DNAJC6: variants seen among roughly 807,000 people sequenced by gnomAD.
The protein encoded by DNAJC6 is auxilin.
DNAJC6 carries 34 observed loss-of-function variants against 110.0 expected under a neutral mutation model. That is an observed-to-expected ratio of 0.31 (90% CI 0.24 to 0.41). The LOEUF (loss-of-function observed/expected upper bound fraction) is 0.41, where lower values mean the gene tolerates loss of function less well. DNAJC6 is among the 10% of genes least tolerant of loss of function. The pLI, the probability that DNAJC6 is intolerant of heterozygous loss-of-function variation, is 1.00. For synonymous variants in DNAJC6, 406 were observed against 437.2 expected (o/e 0.93, Z 0.89); for missense variants, 1,031 against 1,207.8 (o/e 0.85, Z 2.17).
chr1:65,284,579 C>G (rs1415398670), intron 1 of DNAJC6, among the ~76,000 whole-genome samples: 1 of 152,136 alleles, frequency 6.6e-6, no homozygotes, highest in Non-Finnish European at 1.5e-5. Flanking sequence ...GAGTCAGATT[C>G]AGAGACGGCT....
At position 65,281,480 on chromosome 1, in the gene DNAJC6, T is replaced by G. The variant is rs537286805; in HGVS notation, c.-131+16548T>G. ...ATCTATTTGTCCCTGCGGATTTGCC[T>G]ATTCTGGACATTTCCTGTAAATGGA... On this transcript the variant is annotated intron_variant, in intron 1 of 19. Transcript: ENST00000263441. Among the ~76,000 whole-genome samples, 12 of 152,336 alleles carry G rather than the reference T, an allele frequency of 7.9e-5. No individual in the cohort carries two copies. In the East Asian group the frequency reaches 1.7e-3, roughly 22 times the overall value.
At chr1:65,320,255 G>C (rs1464866915) in intron 1 of DNAJC6, among the ~76,000 whole-genome samples, 1 of 152,198 alleles carries the variant, frequency 6.6e-6, no homozygotes, top group Non-Finnish European at 1.5e-5. Context: ...CACAGCCCGA[G>C]AGTATAAGAT....
chr1:65,360,354 G>A (rs183365477), intron 1 of DNAJC6, among the ~76,000 whole-genome samples: 123 of 152,296 alleles, frequency 8.1e-4, no homozygotes, highest in Admixed American at 2.0e-3. Context: ...AAGCTCTAAT[G>A]AGCAGAGCAT....
chr1:65,386,924 G>A lies in DNAJC6; in HGVS notation c.1108G>A (p.Ala370Thr), dbSNP rs368535239. 1 of 1,613,250 alleles carries A rather than the reference G, an allele frequency of 6.2e-7. No individual in the cohort carries two copies. The highest frequency in any genetic ancestry group is 1.3e-5 in the African/African-American group (1 of 74,916). ...LRSTIGSRLQ[A>T]KVTNTQIFQL... is the part of the protein sequence containing the mutation. ...GTCAACCATTGGGAGCCGGCTACAGGCTAAGGTATGGTTTTTGGAAGAATC... is the reference window on the plus strand; with the variant it reads ...GTCAACCATTGGGAGCCGGCTACAGACTAAGGTATGGTTTTTGGAAGAATC... The change falls in exon 8 of 19, where the codon GCT (alanine) becomes ACT (threonine). Residue 370 changes from alanine to threonine, a missense_variant. Coordinates refer to ENST00000371069, the MANE Select transcript of DNAJC6 (RefSeq NM_001256864.2).
chr1:65,306,972 TTCTCTCTCTCTCTCTCTC>T (rs144458447), upstream of DNAJC6, among the ~76,000 whole-genome samples: 76 of 90,426 alleles, frequency 8.4e-4, no homozygotes, highest in East Asian at 2.1e-3. Flanking sequence ...CTCAATCTGT[TTCTCTCTCTCTCTCTCTC>T]TCTCTCTCTC....
intron 1 of DNAJC6, among the ~76,000 whole-genome samples, chr1:65,282,297 G>C (rs915966431): frequency 6.6e-6 from 1 of 152,130 alleles, no homozygotes; most frequent in Non-Finnish European, 1.5e-5. Flanking sequence ...CAGGCTGTTA[G>C]AATTCCCGTA....
intron 1 of DNAJC6, among the ~76,000 whole-genome samples, chr1:65,287,624 C>A (rs1055531958): frequency 6.6e-6 from 1 of 152,122 alleles, no homozygotes; most frequent in Admixed American, 6.5e-5. Flanking sequence ...TTTTTTGAGG[C>A]ATGGTCTTAG....
At chr1:65,293,680 A>G (rs1237084702) in intron 1 of DNAJC6, among the ~76,000 whole-genome samples, 1 of 152,196 alleles carries the variant, frequency 6.6e-6, no homozygotes, top group Admixed American at 6.5e-5. Flanking sequence ...ACATTTTTTC[A>G]TAACATACAA....
chr1:65,294,154 T>C (rs1452674516), intron 1 of DNAJC6, among the ~76,000 whole-genome samples: 1 of 152,232 alleles, frequency 6.6e-6, no homozygotes, highest in Non-Finnish European at 1.5e-5. Flanking sequence ...CATTTTTCTC[T>C]TGAAACCTGA....
At chr1:65,307,047 G>T (rs1377068792), upstream of DNAJC6, among the ~76,000 whole-genome samples, 2 of 121,222 alleles carry the variant, frequency 1.6e-5, no homozygotes, top group African/African-American at 3.3e-5. Context: ...TATATGTTAG[G>T]TACTAATCTA....
At chr1:65,302,782 G>T (rs1361500715) in intron 1 of DNAJC6, among the ~76,000 whole-genome samples, 1 of 151,542 alleles carries the variant, frequency 6.6e-6, no homozygotes, top group Non-Finnish European at 1.5e-5. Context: ...TGATCCACCC[G>T]CCTCGGCCTC....
chr1:65,266,629 A>T (rs1653340969), intron 1 of DNAJC6, among the ~76,000 whole-genome samples: 1 of 152,266 alleles, frequency 6.6e-6, no homozygotes, highest in South Asian at 2.1e-4. Context: ...TTTAAAATTA[A>T]CTCTAGGAAG....
intron 4 of DNAJC6, among the ~76,000 whole-genome samples, chr1:65,379,171 A>G (rs764155715): frequency 1.3e-5 from 2 of 152,246 alleles, no homozygotes; most frequent in Non-Finnish European, 2.9e-5. Context: ...TTAATTTAAA[A>G]TGTGCTTCAA....
intron 1 of DNAJC6, among the ~76,000 whole-genome samples, chr1:65,284,808 C>G (rs767478222): frequency 3.3e-5 from 5 of 151,974 alleles, no homozygotes; most frequent in Non-Finnish European, 7.4e-5. Context: ...CCTGCCTCAG[C>G]CTCCCAAGTA....
intron 1 of DNAJC6, among the ~76,000 whole-genome samples, chr1:65,272,676 T>C (rs886235105): frequency 2.1e-5 from 3 of 139,694 alleles, no homozygotes; most frequent in African/African-American, 7.7e-5. Flanking sequence ...CTTGGAAGGT[T>C]TTAAAATATG....
At position 65,324,898 on chromosome 1, in the gene DNAJC6, A is replaced by C. The variant is rs540708907; in HGVS notation, c.193+14960A>C. Among the ~76,000 whole-genome samples the C allele has an allele frequency of 2.0e-4, 31 of 152,314 alleles. 1 individual carries two copies. In the South Asian group the frequency reaches 5.8e-3, roughly 28 times the overall value. The stretch of plus-strand genomic sequence containing the variant: ...ACAACAAAGAACTTTCCTGCCCAAA[A>C]TGTCAATAGTGCCGAGGTAGGGAAA... On this transcript the variant is annotated intron_variant, in intron 1 of 18. Coordinates refer to ENST00000371069, the MANE Select transcript of DNAJC6 (RefSeq NM_001256864.2).
intron 7 of DNAJC6, among the ~76,000 whole-genome samples, chr1:65,386,136 G>A (rs745438833): frequency 3.7e-4 from 57 of 152,172 alleles, no homozygotes; most frequent in Non-Finnish European, 6.6e-4. Flanking sequence ...AGCATAAGCT[G>A]TATACAGGAT....
intron 1 of DNAJC6, among the ~76,000 whole-genome samples, chr1:65,339,949 T>C (rs575535620): frequency 6.6e-6 from 1 of 152,320 alleles, no homozygotes; most frequent in South Asian, 2.1e-4. Flanking sequence ...CTCCTAACAG[T>C]CCTTGCCTTG....
chr1:65,289,623 A>G (rs1654132614), intron 1 of DNAJC6, among the ~76,000 whole-genome samples: 1 of 152,160 alleles, frequency 6.6e-6, no homozygotes, highest in Non-Finnish European at 1.5e-5. Context: ...GTCTTTTGTG[A>G]GAGGCCTGAT....
Sources: gnomAD v4.1 joint callset for allele counts (sites outside exome capture counted in the v4.1 genomes callset) on GRCh38, gnomAD v4.1.1 for gene constraint, MANE v1.5 for transcripts, NCBI Gene and HGNC (gene_info 2026-07-23, HGNC 2026-07-21) for gene names.